The following KCNN2 variants were observed in gnomAD, a reference collection of about 807,000 sequenced individuals.
The protein encoded by KCNN2 is potassium calcium-activated channel subfamily N member 2.
KCNN2 carries 24 observed loss-of-function variants against 55.5 expected under a neutral mutation model. That is an observed-to-expected ratio of 0.43 (90% CI 0.31 to 0.61). The LOEUF (loss-of-function observed/expected upper bound fraction) is 0.61, where lower values mean the gene tolerates loss of function less well. Ranked by LOEUF, KCNN2 falls within the 20% of genes least tolerant of loss-of-function variation. The pLI, the probability that KCNN2 is intolerant of heterozygous loss-of-function variation, is 0.08. For synonymous variants in KCNN2, 431 were observed against 336.1 expected (o/e 1.28, Z -3.09); for missense variants, 754 against 853.6 (o/e 0.88, Z 1.45).
At chr5:114,357,290 A>G (rs551128375), upstream of KCNN2, among the ~76,000 whole-genome samples, 5 of 149,058 alleles carry the variant, frequency 3.4e-5, no homozygotes, top group Non-Finnish European at 7.4e-5. Context: ...TGCAAACAAC[A>G]TGAAATTTTT....
At chr5:114,465,318 A>C (rs1456838619) in intron 4 of KCNN2, among the ~76,000 whole-genome samples, 5 of 152,188 alleles carry the variant, frequency 3.3e-5, no homozygotes, top group Admixed American at 3.3e-4. Context: ...TTTGCTTAAA[A>C]AAGAGAGGTT....
chr5:114,345,143 A>G (rs570545268), intron 2 of KCNN2, among the ~76,000 whole-genome samples: 8 of 152,340 alleles, frequency 5.3e-5, no homozygotes, highest in African/African-American at 1.9e-4. Flanking sequence ...TGTAACTGTA[A>G]GAGTGAGAAA....
intron 1 of KCNN2, among the ~76,000 whole-genome samples, chr5:114,187,757 C>CG (rs1294935691): frequency 2.0e-5 from 3 of 151,694 alleles, no homozygotes; most frequent in Non-Finnish European, 4.4e-5. Context: ...CCACCCGCCT[C>CG]GGCCTCCCAA....
At chr5:114,372,282 C>A (rs188816736) in intron 2 of KCNN2, among the ~76,000 whole-genome samples, 2 of 152,184 alleles carry the variant, frequency 1.3e-5, no homozygotes, top group African/African-American at 4.8e-5. Context: ...AAAAGTGAAT[C>A]TTTGGACAAG....
chr5:114,104,900 T>TGCTCAGGGAGTAGAAATAGA (rs1751449874), intron 1 of KCNN2, among the ~76,000 whole-genome samples: 1 of 151,970 alleles, frequency 6.6e-6, no homozygotes, highest in Non-Finnish European at 1.5e-5. Flanking sequence ...GAGAGGATTG[T>TGCTCAGGGAGTAGAAATAGA]GCTCAGGGAG....
chr5:114,489,903 T>C (rs551328715), intron 6 of KCNN2, among the ~76,000 whole-genome samples: 2 of 152,278 alleles, frequency 1.3e-5, no homozygotes, highest in African/African-American at 2.4e-5. Flanking sequence ...TCCTGGCCTC[T>C]CCTACTCTCT....
intron 1 of KCNN2, among the ~76,000 whole-genome samples, chr5:114,089,457 G>A (rs1387875326): frequency 6.6e-6 from 1 of 152,130 alleles, no homozygotes; most frequent in East Asian, 1.9e-4. Context: ...GTGTACAAAA[G>A]CCTGGGTATT....
At chr5:114,291,617 CT>C (rs111553353) in intron 2 of KCNN2, among the ~76,000 whole-genome samples, 1 of 152,130 alleles carries the variant, frequency 6.6e-6, no homozygotes, top group East Asian at 1.9e-4. Context: ...GGTTCCAAGT[CT>C]TTTGCTATTG....
At chr5:114,489,490 C>G (rs1276922867) in intron 6 of KCNN2, among the ~76,000 whole-genome samples, 1 of 151,988 alleles carries the variant, frequency 6.6e-6, no homozygotes, top group Non-Finnish European at 1.5e-5. Flanking sequence ...TCAGATATTT[C>G]TTATTCTGTT....
At chr5:114,224,371 A>T (rs937071778) in intron 2 of KCNN2, among the ~76,000 whole-genome samples, 6 of 152,166 alleles carry the variant, frequency 3.9e-5, no homozygotes, top group African/African-American at 1.4e-4. Context: ...TTTCTTGCTG[A>T]ATTAATGGAG....
chr5:114,194,432 C>T (rs996778542), intron 1 of KCNN2, among the ~76,000 whole-genome samples: 1 of 152,000 alleles, frequency 6.6e-6, no homozygotes, highest in African/African-American at 2.4e-5. Context: ...TTTTGATTTG[C>T]ATTTCTCTGA....
At chr5:114,491,164 A>G (rs1048674619) in intron 6 of KCNN2, among the ~76,000 whole-genome samples, 11 of 152,168 alleles carry the variant, frequency 7.2e-5, no homozygotes, top group Admixed American at 3.9e-4. Flanking sequence ...CCCGTTGTTT[A>G]TAAGATGAAG....
At chr5:114,219,704 T>C (rs1754092126) in intron 1 of KCNN2, among the ~76,000 whole-genome samples, 1 of 152,116 alleles carries the variant, frequency 6.6e-6, no homozygotes, top group South Asian at 2.1e-4. Flanking sequence ...CTTCGGGCTG[T>C]GGTTGCAGGT....
chr5:114,495,184 C>T (rs151014590), intron 7 of KCNN2, among the ~76,000 whole-genome samples: 7 of 152,226 alleles, frequency 4.6e-5, no homozygotes, highest in Non-Finnish European at 8.8e-5. Context: ...AACCACTTAG[C>T]TTTGATTAAG....
intron 3 of KCNN2, 74 bp downstream of exon 3, chr5:114,404,930 G>A: frequency 7.5e-7 from 1 of 1,331,684 alleles, no homozygotes; most frequent in Middle Eastern, 1.9e-4. Flanking sequence ...AAAAATTTTA[G>A]ACTTGAGACG....
chr5:114,468,494 AT>A (rs926693130), intron 4 of KCNN2, among the ~76,000 whole-genome samples: 2 of 151,888 alleles, frequency 1.3e-5, no homozygotes, highest in East Asian at 1.9e-4. Flanking sequence ...TAAAAGCGTG[AT>A]TTTTTTTCAA....
chr5:114,115,080 C>T (rs1030495921), intron 1 of KCNN2, among the ~76,000 whole-genome samples: 2 of 152,076 alleles, frequency 1.3e-5, no homozygotes, highest in East Asian at 3.9e-4. Flanking sequence ...TTCTAATTCT[C>T]TTTCTTCATT....
At chr5:114,222,103 A>G (rs774059447) in intron 2 of KCNN2, among the ~76,000 whole-genome samples, 1 of 152,226 alleles carries the variant, frequency 6.6e-6, no homozygotes, top group African/African-American at 2.4e-5. Flanking sequence ...GTTGCCAGAT[A>G]AACATTTAAT....
chr5:114,304,793 GAT>G (rs1393024187), intron 2 of KCNN2, among the ~76,000 whole-genome samples: 1 of 152,184 alleles, frequency 6.6e-6, no homozygotes, highest in East Asian at 1.9e-4. Flanking sequence ...TCTTCAGAAA[GAT>G]AGGTCAGAGA....
Sources: allele counts gnomAD v4.1 joint callset (sites outside exome capture counted in the v4.1 genomes callset), GRCh38; gene constraint gnomAD v4.1.1; transcripts MANE v1.5; gene names NCBI Gene and HGNC (gene_info 2026-07-23, HGNC 2026-07-21).